Variants in ZNF81 observed in about 807,000 individuals in gnomAD.
The protein encoded by ZNF81 is zinc finger protein 81.
ZNF81 carries 5 observed loss-of-function variants against 32.3 expected under a neutral mutation model. The observed-to-expected ratio is 0.15, with a 90% CI of 0.08 to 0.33. The LOEUF (loss-of-function observed/expected upper bound fraction) is 0.33. Ranked by LOEUF, ZNF81 falls within the 10% of genes least tolerant of loss-of-function variation. The probability of loss-of-function intolerance (pLI) is 1.00; values close to 1 mark genes in which losing one functional copy is unlikely to be tolerated. For missense variants in ZNF81, 379 were observed against 479.8 expected, an observed-to-expected ratio of 0.79 and a Z score of 1.96; for synonymous variants, 163 against 166.8, an observed-to-expected ratio of 0.98 and a Z score of 0.17.
chrX:47,916,897 AAAG>A lies in ZNF81; in HGVS notation c.*266_*268del. 3.3e-6 allele frequency: 1 copy of A among 306,244 alleles called. No homozygotes were observed. Among genetic ancestry groups the A allele is most frequent in the Non-Finnish European group, 5.7e-6 (1 of 176,582 alleles). The allele number at this position is 306,244 out of a possible 1,213,427, so 25.2% of individuals were successfully genotyped here. ...ATGTTGTCAGTTTGGTGTGTTAGGA[AAAG>A]CCTTCCTATAGAAAGTATTATAAGT... On this transcript the variant is annotated 3_prime_UTR_variant, in exon 5 of 5. Coordinates refer to ENST00000338637, the MANE Select transcript of ZNF81 (RefSeq NM_007137.5).
intron 2 of ZNF81, chrX:47,860,959 G>A (rs187751185): frequency 8.9e-6 from 1 of 112,324 alleles, no homozygotes; most frequent in Admixed American, 9.4e-5. Context: ...GGTGATAGGA[G>A]CATCTTTTGT....
chrX:47,871,363 C>T (rs943092451), intron 2 of ZNF81, among the ~76,000 whole-genome samples: 2 of 111,679 alleles, frequency 1.8e-5, no homozygotes, highest in African/African-American at 6.5e-5. Flanking sequence ...TCCCTAGTAG[C>T]TGCTATTAGC....
chrX:47,840,574 G>A (rs1312482575), intron 1 of ZNF81, among the ~76,000 whole-genome samples: 1 of 107,900 alleles, frequency 9.3e-6, no homozygotes, highest in African/African-American at 3.4e-5. Context: ...CGCAATCTCG[G>A]CTCACCCCAA....
At chrX:47,881,382 A>G (rs1348442593) in intron 2 of ZNF81, among the ~76,000 whole-genome samples, 2 of 111,338 alleles carry the variant, frequency 1.8e-5, no homozygotes, top group Non-Finnish European at 3.8e-5. Flanking sequence ...ATATTTTCCT[A>G]CTTTCTCTAA....
intron 1 of ZNF81, among the ~76,000 whole-genome samples, chrX:47,837,764 T>C (rs2058431351): frequency 8.9e-6 from 1 of 112,503 alleles, no homozygotes; most frequent in Admixed American, 9.4e-5. Context: ...TTGAATTGGA[T>C]AGAGTGATTC....
chrX:47,892,438 C>T (rs2058665812), intron 3 of ZNF81, among the ~76,000 whole-genome samples: 1 of 112,034 alleles, frequency 8.9e-6, no homozygotes, highest in African/African-American at 3.2e-5. Flanking sequence ...TGGACCCTCC[C>T]AGAGTAGATG....
chrX:47,905,066 G>A (rs1156657647), intron 4 of ZNF81, among the ~76,000 whole-genome samples: 5 of 109,207 alleles, frequency 4.6e-5, no homozygotes, highest in Non-Finnish European at 9.5e-5. Flanking sequence ...ACTGTTGTGG[G>A]GTGGGGGGAG....
rs113131552 is a variant in ZNF81, at chrX:47,915,196, C to G, written c.550C>G (p.Leu184Val). ...TGTTCATCCAAGCCCAAATCTCATTCTTTCACAGAAAAGACCCCATAAACG... is the reference window on the plus strand; with the variant it reads ...TGTTCATCCAAGCCCAAATCTCATTGTTTCACAGAAAAGACCCCATAAACG... ...KFVHPSPNLILSQKRPHKRDS... is the reference protein window; with the variant it reads ...KFVHPSPNLIVSQKRPHKRDS... Residue 184 changes from leucine (L) to valine (V), a missense_variant, in exon 5 of 5, where the codon CTT becomes GTT. Physicochemically the swap from Leu to Val is conservative, Grantham distance 32. Coordinates refer to ENST00000338637, the MANE Select transcript of ZNF81 (RefSeq NM_007137.5). The G allele has an allele frequency of 2.6e-4, 311 of 1,202,595 alleles. No homozygotes were observed. In the African/African-American group the frequency reaches 4.6e-3, roughly 18 times the overall value.
At chrX:47,880,459 C>A (rs2058616314) in intron 2 of ZNF81, among the ~76,000 whole-genome samples, 1 of 111,942 alleles carries the variant, frequency 8.9e-6, no homozygotes, top group Admixed American at 9.5e-5. Flanking sequence ...AGCGATCTAC[C>A]CACCTTGGCC....
chrX:47,891,530 C>A (rs2058662234), intron 3 of ZNF81, among the ~76,000 whole-genome samples: 1 of 112,172 alleles, frequency 8.9e-6, no homozygotes, highest in African/African-American at 3.2e-5. Context: ...TGGCCTTTCC[C>A]ACCATAAGAG....
intron 2 of ZNF81, among the ~76,000 whole-genome samples, chrX:47,856,970 C>G (rs1394535320): frequency 9.0e-6 from 1 of 110,703 alleles, no homozygotes; most frequent in African/African-American, 3.3e-5. Context: ...ATTAAAAGAC[C>G]CAGAAAATAT....
intron 2 of ZNF81, among the ~76,000 whole-genome samples, chrX:47,882,827 C>A (rs935912855): frequency 8.9e-6 from 1 of 112,083 alleles, no homozygotes; most frequent in African/African-American, 3.2e-5. Context: ...TCTGTCTCTA[C>A]TAAAAATACA....
chrX:47,871,115 A>G (rs2058578458), intron 2 of ZNF81, among the ~76,000 whole-genome samples: 1 of 111,614 alleles, frequency 9.0e-6, no homozygotes, highest in African/African-American at 3.3e-5. Context: ...CAGCAGAATC[A>G]TTGCCTTTAG....
At chrX:47,881,489 G>A in intron 2 of ZNF81, among the ~76,000 whole-genome samples, 1 of 112,106 alleles carries the variant, frequency 8.9e-6, no homozygotes, top group African/African-American at 3.2e-5. Context: ...TGACAGAGGG[G>A]ACAGATATTC....
At chrX:47,877,558 G>A (rs1334372844) in intron 2 of ZNF81, among the ~76,000 whole-genome samples, 6 of 111,369 alleles carry the variant, frequency 5.4e-5, no homozygotes, top group Non-Finnish European at 1.1e-4. Flanking sequence ...ACTCTGTATC[G>A]GGCGGCAAGA....
intron 3 of ZNF81, among the ~76,000 whole-genome samples, chrX:47,893,737 G>T (rs1198347196): frequency 1.8e-5 from 2 of 108,461 alleles, no homozygotes; most frequent in African/African-American, 3.4e-5. Context: ...AGAAGTTGCA[G>T]TGAGCTGAGA....
intron 2 of ZNF81, among the ~76,000 whole-genome samples, chrX:47,867,821 A>G (rs782495944): frequency 5.4e-5 from 6 of 112,004 alleles, no homozygotes; most frequent in Non-Finnish European, 1.1e-4. Flanking sequence ...ACCCAATCCA[A>G]GTCTAAGGAG....
At position 47,915,359 on chromosome X, in the gene ZNF81, A is replaced by G; in HGVS notation, c.713A>G (p.Asn238Ser). 7.4e-6 allele frequency: 9 copies of G among 1,211,745 alleles called. No individual in the cohort carries two copies. The highest frequency in any genetic ancestry group is 1.0e-5 in the Non-Finnish European group (9 of 895,493). Residue 238 changes from asparagine to serine, a missense_variant, in exon 5 of 5, where the codon AAT becomes AGT. Physicochemically the swap from Asn to Ser is conservative, Grantham distance 46. Transcript: ENST00000338637. Reference protein sequence around the residue: ...TQNSSYSHHENTHTGVKFCER... With the variant: ...TQNSSYSHHESTHTGVKFCER... ...AACTCTTCTTATAGTCACCACGAAA[A>G]TACACATACAGGAGTGAAGTTCTGT...
intron 4 of ZNF81, among the ~76,000 whole-genome samples, chrX:47,909,943 C>T: frequency 9.0e-6 from 1 of 110,924 alleles, no homozygotes; most frequent in Non-Finnish European, 1.9e-5. Flanking sequence ...TGAACTCATC[C>T]TTTCTTATGG....
Sources: gnomAD v4.1 joint callset for allele counts (sites outside exome capture counted in the v4.1 genomes callset) on GRCh38, gnomAD v4.1.1 for gene constraint, MANE v1.5 for transcripts, NCBI Gene and HGNC (gene_info 2026-07-23, HGNC 2026-07-21) for gene names.